TMPRSS11F: variants seen among roughly 807,000 people sequenced by gnomAD.
TMPRSS11F encodes the protein transmembrane serine protease 11F, also known as transmembrane protease serine 11F.
TMPRSS11F carries 47 observed loss-of-function variants against 60.2 expected under a neutral mutation model. That is an observed-to-expected ratio of 0.78 (90% confidence interval 0.62 to 1.00). The LOEUF (loss-of-function observed/expected upper bound fraction) is 1.00. TMPRSS11F is among the 50% of genes least tolerant of loss of function. The probability of loss-of-function intolerance (pLI) is 0.00; values close to 1 mark genes in which losing one functional copy is unlikely to be tolerated. For missense variants in TMPRSS11F, 519 were observed against 522.9 expected, an observed-to-expected ratio of 0.99 and a Z score of 0.07; for synonymous variants, 166 against 167.3, an observed-to-expected ratio of 0.99 and a Z score of 0.06.
At chr4:68,058,735 G>C (rs1577907965) in intron 9 of TMPRSS11F, among the ~76,000 whole-genome samples, 1 of 152,200 alleles carries the variant, frequency 6.6e-6, no homozygotes, top group Non-Finnish European at 1.5e-5. Context: ...TGGTAGACTA[G>C]GGTATAACAT....
intron 8 of TMPRSS11F, 41 bp from the exon 9 acceptor site, chr4:68,059,509 C>T (rs934123299): frequency 2.5e-6 from 4 of 1,584,660 alleles, no homozygotes; most frequent in African/African-American, 1.3e-5. Flanking sequence ...AACAGTATTC[C>T]TCAAATACAA....
chr4:68,064,576 G>T (rs1432420274), intron 8 of TMPRSS11F, 109 bp downstream of exon 8: 8 of 1,299,242 alleles, frequency 6.2e-6, no homozygotes, highest in Non-Finnish European at 8.5e-6. Context: ...CACACATACT[G>T]GAAAGACCAT....
chr4:68,127,517 A>C (rs1401539104), intron 1 of TMPRSS11F, among the ~76,000 whole-genome samples: 1 of 142,328 alleles, frequency 7.0e-6, no homozygotes, highest in African/African-American at 2.5e-5. Flanking sequence ...ACAATGTGGG[A>C]TACTTTAAAT....
intron 3 of TMPRSS11F, among the ~76,000 whole-genome samples, chr4:68,081,696 A>AT (rs1205562155): frequency 2.0e-5 from 3 of 151,990 alleles, no homozygotes; most frequent in South Asian, 4.1e-4. Flanking sequence ...CAGACTAGTC[A>AT]TTTTTTTTAA....
At chr4:68,072,261 A>ATATATATATATATATATATATATAT (rs1553885929) in intron 5 of TMPRSS11F, 62 bp downstream of exon 5, 1 of 588,706 alleles carries the variant, frequency 1.7e-6, no homozygotes, top group African/African-American at 2.0e-5. Flanking sequence ...TGCTTACAAA[A>ATATATATATATATATATATATATAT]ATTAAAGAGG....
chr4:68,120,610 G>C lies in TMPRSS11F; in HGVS notation c.11+9200C>G, dbSNP rs566233219. 1.3e-4 allele frequency among the ~76,000 whole-genome samples: 20 copies of C among 151,844 alleles called. No homozygotes were observed. In the South Asian group the frequency reaches 4.0e-3, roughly 30 times the overall value. On this transcript the variant is annotated intron_variant, in intron 1 of 9. Coordinates refer to ENST00000356291, the MANE Select transcript of TMPRSS11F (RefSeq NM_207407.2). ...TCACCGTTTTAGCCGGGATGGTCTC[G>C]ATCTCCTGACCTCGTGATCCGCCCG... is the stretch of plus-strand genomic sequence containing the variant.
At chr4:68,069,333 G>A (rs969677342) in intron 6 of TMPRSS11F, among the ~76,000 whole-genome samples, 1 of 152,052 alleles carries the variant, frequency 6.6e-6, no homozygotes, top group Non-Finnish European at 1.5e-5. Context: ...TCAATTTATT[G>A]TGTTTGCAAA....
intron 2 of TMPRSS11F, among the ~76,000 whole-genome samples, chr4:68,091,177 A>C (rs1240925152): frequency 2.6e-5 from 4 of 152,110 alleles, no homozygotes; most frequent in Non-Finnish European, 4.4e-5. Context: ...TTCAAGGACA[A>C]CCATTGTAAT....
At chr4:68,075,884 TC>T (rs935333894) in intron 3 of TMPRSS11F, among the ~76,000 whole-genome samples, 2 of 151,654 alleles carry the variant, frequency 1.3e-5, no homozygotes, top group African/African-American at 4.8e-5. Flanking sequence ...TCCCAGCTAC[TC>T]GGGAGGCTGA....
intron 3 of TMPRSS11F, among the ~76,000 whole-genome samples, chr4:68,082,378 C>A (rs1723713759): frequency 6.6e-6 from 1 of 152,168 alleles, no homozygotes; most frequent in Non-Finnish European, 1.5e-5. Flanking sequence ...CAAAACATGG[C>A]CACAGGAACC....
intron 1 of TMPRSS11F, among the ~76,000 whole-genome samples, chr4:68,105,397 A>G (rs1577931368): frequency 6.6e-6 from 1 of 152,076 alleles, no homozygotes; most frequent in East Asian, 1.9e-4. Flanking sequence ...CCTCTAAACT[A>G]GTGATGGGTT....
At chr4:68,098,832 C>T in intron 2 of TMPRSS11F, 55 bp downstream of exon 2, 24 of 1,490,360 alleles carry the variant, frequency 1.6e-5, no homozygotes, top group Non-Finnish European at 2.0e-5. Context: ...CAGAAAATTT[C>T]AAGATACGAA....
At chr4:68,100,113 T>C (rs34722976) in intron 1 of TMPRSS11F, among the ~76,000 whole-genome samples, 46,215 of 150,782 alleles carry the variant, frequency 0.31, 7,176 homozygotes, top group East Asian at 0.49. Flanking sequence ...TGAAACAGGA[T>C]TCATTACTAA....
intron 3 of TMPRSS11F, among the ~76,000 whole-genome samples, chr4:68,088,466 C>T (rs1232840914): frequency 6.6e-6 from 1 of 151,434 alleles, no homozygotes; most frequent in Non-Finnish European, 1.5e-5. Context: ...ACCCCACTGT[C>T]AACATTAGAC....
intron 3 of TMPRSS11F, among the ~76,000 whole-genome samples, chr4:68,078,279 T>C (rs1723625929): frequency 6.6e-6 from 1 of 152,228 alleles, no homozygotes; most frequent in African/African-American, 2.4e-5. Flanking sequence ...TTCCTCTTCC[T>C]ACAACTTTTT....
chr4:68,098,458 ATC>A (rs764761257), intron 2 of TMPRSS11F, among the ~76,000 whole-genome samples: 65 of 152,194 alleles, frequency 4.3e-4, no homozygotes, highest in Non-Finnish European at 7.2e-4. Context: ...TCATAAAAAA[ATC>A]TGTTTTTTTC....
intron 3 of TMPRSS11F, among the ~76,000 whole-genome samples, chr4:68,083,348 CCTGGTAAGAGCATCATCTCT>C (rs1296746349): frequency 6.6e-6 from 1 of 152,098 alleles, no homozygotes; most frequent in Non-Finnish European, 1.5e-5. Context: ...CAGGGATGGA[CCTGGTAAGAGCATCATCTCT>C]CTTCAACGCC....
At chr4:68,128,896 G>A (rs1370476355) in intron 1 of TMPRSS11F, among the ~76,000 whole-genome samples, 2 of 152,056 alleles carry the variant, frequency 1.3e-5, no homozygotes, top group African/African-American at 4.8e-5. Context: ...AAATTAGGGA[G>A]GGCAGGAACA....
chr4:68,069,071 C>T (rs756639749), intron 6 of TMPRSS11F, among the ~76,000 whole-genome samples: 3 of 152,148 alleles, frequency 2.0e-5, no homozygotes, highest in Non-Finnish European at 4.4e-5. Context: ...ATAGATAATT[C>T]ATTGAGCACC....
Sources: allele counts gnomAD v4.1 joint callset (sites outside exome capture counted in the v4.1 genomes callset), GRCh38; gene constraint gnomAD v4.1.1; transcripts MANE v1.5; gene names NCBI Gene and HGNC (gene_info 2026-07-23, HGNC 2026-07-21).